PDE4D: variants seen among roughly 807,000 people sequenced by gnomAD.
PDE4D encodes the protein phosphodiesterase 4D.
A neutral mutation model predicts 87.4 loss-of-function variants in PDE4D; 24 were observed. The observed-to-expected ratio is 0.27, with a 90% confidence interval of 0.20 to 0.39. PDE4D has a LOEUF of 0.39. Among genes scored for constraint, PDE4D ranks in the 10% least tolerant of loss-of-function variants. The pLI, the probability that PDE4D is intolerant of heterozygous loss-of-function variation, is 1.00. For synonymous variants in PDE4D, 384 were observed against 383.2 expected (o/e 1.00, Z -0.02); for missense variants, 714 against 1,041.0 (o/e 0.69, Z 4.32).
In PDE4D at chr5:58,974,781, T is replaced by TTGAG. The variant is rs1429396019; in HGVS notation, c.2309_2312dup (p.Gln771HisfsTer8). The stretch of plus-strand genomic sequence containing the variant: ...GGGGAATTTCAGTAGACTCTGAGTC[T>TTGAG]TGAGTACAAAGAGTCTTGGAGTCAC... On this transcript the variant is annotated frameshift_variant, in exon 15 of 15. Transcript: ENST00000340635. LOFTEE classifies it high-confidence loss of function. 6.2e-7 allele frequency: 1 copy of TTGAG among 1,613,640 alleles called. No homozygotes were observed.
At chr5:59,755,365 A>G (rs1761070176) in intron 1 of PDE4D, among the ~76,000 whole-genome samples, 1 of 152,192 alleles carries the variant, frequency 6.6e-6, no homozygotes, top group South Asian at 2.1e-4. Flanking sequence ...AAATTACAGT[A>G]ATATACAAAG....
rs80156542 is a variant in PDE4D, at chr5:59,466,974, G to C, written c.456-251006C>G. ...ACTATATTTGGAGACAGGGTTTAAA[G>C]GAGGTGATTAAGTTGAGGTCATAAG... is the stretch of plus-strand genomic sequence containing the variant. On this transcript the variant is annotated intron_variant, in intron 1 of 14. Transcript: ENST00000340635. 9.7e-4 allele frequency among the ~76,000 whole-genome samples: 148 copies of C among 152,298 alleles called. 1 individual carries two copies. The highest frequency in any genetic ancestry group is 1.8e-3 in the Non-Finnish European group (122 of 68,024).
chr5:60,351,320 G>A (rs189768500), intron 1 of PDE4D, among the ~76,000 whole-genome samples: 1 of 152,058 alleles, frequency 6.6e-6, no homozygotes, highest in East Asian at 1.9e-4. Flanking sequence ...CCATTTTTTT[G>A]CTAGGTATAT....
intron 1 of PDE4D, among the ~76,000 whole-genome samples, chr5:59,825,721 G>C (rs767112512): frequency 5.9e-5 from 9 of 152,140 alleles, no homozygotes; most frequent in Admixed American, 1.3e-4. Context: ...CTTCTGAGTT[G>C]AACAACTTGA....
chr5:59,202,944 A>C (rs1039431911), intron 2 of PDE4D, among the ~76,000 whole-genome samples: 18 of 152,186 alleles, frequency 1.2e-4, no homozygotes, highest in African/African-American at 4.3e-4. Context: ...TGAAATTTAA[A>C]CTGTTTGCTC....
intron 2 of PDE4D, among the ~76,000 whole-genome samples, chr5:60,050,924 A>G (rs183685618): frequency 1.3e-5 from 2 of 152,344 alleles, no homozygotes; most frequent in Admixed American, 1.3e-4. Flanking sequence ...ACCAACAAAG[A>G]TCAAAAAAAG....
chr5:59,418,087 A>G lies in PDE4D; in HGVS notation c.456-202119T>C, dbSNP rs534160081. On this transcript the variant is annotated intron_variant, in intron 1 of 14. Coordinates refer to ENST00000340635, the MANE Select transcript of PDE4D (RefSeq NM_001104631.2). ...TACCTGCAAAGCAAATGATTGCTAT[A>G]AGTCCCCTCATTAGTCTCCTTACTC... Among the ~76,000 whole-genome samples the G allele has an allele frequency of 2.0e-5, 3 of 152,308 alleles. No individual in the cohort carries two copies. In the East Asian group the frequency reaches 5.8e-4, roughly 29 times the overall value.
intron 1 of PDE4D, among the ~76,000 whole-genome samples, chr5:59,697,294 TAAAAA>T (rs992682869): frequency 6.6e-6 from 1 of 152,122 alleles, no homozygotes; most frequent in Admixed American, 6.5e-5. Flanking sequence ...AGCTATTAAA[TAAAAA>T]AGTTACATAA....
chr5:60,166,134 G>A (rs376225019), intron 2 of PDE4D, among the ~76,000 whole-genome samples: 4 of 152,042 alleles, frequency 2.6e-5, no homozygotes, highest in Admixed American at 6.6e-5. Context: ...TTGCTCTGTC[G>A]CCCAGGCTGG....
intron 1 of PDE4D, among the ~76,000 whole-genome samples, chr5:59,260,494 G>GTGTTAACACAC: frequency 6.6e-6 from 1 of 151,768 alleles, no homozygotes; most frequent in East Asian, 1.9e-4. Context: ...CAAATGGCAT[G>GTGTTAACACAC]AATTACGAAA....
At chr5:60,442,763 G>T (rs150956139) in intron 1 of PDE4D, among the ~76,000 whole-genome samples, 15 of 152,164 alleles carry the variant, frequency 9.9e-5, no homozygotes, top group African/African-American at 3.1e-4. Flanking sequence ...TCTCAAGTTT[G>T]GGTGGATAGA....
intron 1 of PDE4D, among the ~76,000 whole-genome samples, chr5:59,617,752 G>A (rs1226688649): frequency 2.6e-5 from 4 of 152,122 alleles, no homozygotes; most frequent in Non-Finnish European, 5.9e-5. Flanking sequence ...CACCTCGATC[G>A]TAGAATTCTC....
intron 1 of PDE4D, among the ~76,000 whole-genome samples, chr5:60,412,255 A>G (rs1028424754): frequency 1.3e-5 from 2 of 152,324 alleles, no homozygotes; most frequent in South Asian, 2.1e-4. Context: ...AATTAGGGGA[A>G]AAAACAGCCA....
chr5:60,128,715 A>C (rs1445464154), intron 2 of PDE4D, among the ~76,000 whole-genome samples: 2 of 152,230 alleles, frequency 1.3e-5, no homozygotes, highest in East Asian at 3.8e-4. Flanking sequence ...TCTAACTGAT[A>C]CACTGAAGCT....
chr5:59,495,676 A>G (rs1009251109), intron 1 of PDE4D, among the ~76,000 whole-genome samples: 5 of 152,198 alleles, frequency 3.3e-5, no homozygotes, highest in African/African-American at 9.6e-5. Context: ...GTGGCAAGAC[A>G]TGCAGCTAGG....
intron 3 of PDE4D, among the ~76,000 whole-genome samples, chr5:59,969,232 T>A (rs1422384912): frequency 6.6e-6 from 1 of 152,186 alleles, no homozygotes; most frequent in Non-Finnish European, 1.5e-5. Context: ...GAACAAGGCA[T>A]TAATTTATTT....
At chr5:60,485,291 A>T (rs1749049106) in intron 1 of PDE4D, among the ~76,000 whole-genome samples, 1 of 152,110 alleles carries the variant, frequency 6.6e-6, no homozygotes, top group South Asian at 2.1e-4. Context: ...ACAAAGTAAG[A>T]ATTATTAAAT....
At chr5:59,000,614 T>A (rs567348520) in intron 6 of PDE4D, among the ~76,000 whole-genome samples, 2 of 152,286 alleles carry the variant, frequency 1.3e-5, no homozygotes, top group Admixed American at 1.3e-4. Flanking sequence ...ATGTGAAAGC[T>A]AGGGCACTGT....
chr5:59,419,872 G>C (rs1794199528), intron 1 of PDE4D, among the ~76,000 whole-genome samples: 1 of 152,118 alleles, frequency 6.6e-6, no homozygotes, highest in Non-Finnish European at 1.5e-5. Flanking sequence ...TTACCGTGGA[G>C]AACCCCTTGA....
Sources: gnomAD v4.1 joint callset for allele counts (sites outside exome capture counted in the v4.1 genomes callset) on GRCh38, gnomAD v4.1.1 for gene constraint, MANE v1.5 for transcripts, NCBI Gene and HGNC (gene_info 2026-07-23, HGNC 2026-07-21) for gene names.